The following SPATA45 variants were observed in gnomAD, a reference collection of about 807,000 sequenced individuals.
SPATA45 encodes spermatogenesis-associated protein 45.
SPATA45 carries 5 observed loss-of-function variants against 7.0 expected under a neutral mutation model. The observed-to-expected ratio is 0.71, with a 90% confidence interval of 0.37 to 1.50. SPATA45 has a LOEUF of 1.50. Ranked by LOEUF, SPATA45 falls within the 40% of genes most tolerant of loss-of-function variation. The pLI is 0.03. For synonymous variants in SPATA45, 40 were observed against 38.7 expected (o/e 1.03, Z -0.13); for missense variants, 111 against 114.9 (o/e 0.97, Z 0.16).
chr1:212,843,098 CAT>C (rs1491075509), intron 1 of SPATA45, among the ~76,000 whole-genome samples: 34 of 98,358 alleles, frequency 3.5e-4, no homozygotes, highest in East Asian at 1.2e-3. Flanking sequence ...CTCCGTCAAA[CAT>C]ACACACACAC....
At chr1:212,832,670 C>T (rs533614281) in intron 2 of SPATA45, among the ~76,000 whole-genome samples, 14 of 151,620 alleles carry the variant, frequency 9.2e-5, no homozygotes, top group Non-Finnish European at 1.9e-4. Context: ...AGTACAGTGC[C>T]TTCCAATTCG....
chr1:212,842,788 CATG>C (rs1663711143), intron 1 of SPATA45, among the ~76,000 whole-genome samples: 3 of 151,972 alleles, frequency 2.0e-5, no homozygotes, highest in Non-Finnish European at 4.4e-5. Context: ...GCCTGGCCAA[CATG>C]GTGAAACCCT....
At chr1:212,844,910 C>T (rs1167767694) in intron 1 of SPATA45, among the ~76,000 whole-genome samples, 1 of 152,142 alleles carries the variant, frequency 6.6e-6, no homozygotes, top group Non-Finnish European at 1.5e-5. Flanking sequence ...TCGCTCAGGG[C>T]AATGCTTATG....
intron 1 of SPATA45, among the ~76,000 whole-genome samples, chr1:212,844,362 T>A (rs1010714110): frequency 6.6e-6 from 1 of 152,214 alleles, no homozygotes; most frequent in Non-Finnish European, 1.5e-5. Context: ...CACTCTTTGC[T>A]GCGTCTCCCA....
intron 1 of SPATA45, among the ~76,000 whole-genome samples, chr1:212,836,476 G>A (rs368248282): frequency 2.1e-4 from 32 of 150,924 alleles, no homozygotes; most frequent in East Asian, 9.8e-4. Flanking sequence ...AATTACAGGC[G>A]CGCACTACCA....
chr1:212,843,055 C>T (rs542066715), intron 1 of SPATA45, among the ~76,000 whole-genome samples: 6 of 151,552 alleles, frequency 4.0e-5, no homozygotes, highest in African/African-American at 1.5e-4. Flanking sequence ...CGAGATTGCA[C>T]CACTGCACTC....
chr1:212,843,215 C>T (rs1426817503), intron 1 of SPATA45, among the ~76,000 whole-genome samples: 1 of 149,236 alleles, frequency 6.7e-6, no homozygotes, highest in African/African-American at 2.5e-5. Context: ...GCTTGAACTC[C>T]AGCGGCAGAG....
chr1:212,845,775 C>A (rs1336284180), intron 1 of SPATA45, among the ~76,000 whole-genome samples: 1 of 152,216 alleles, frequency 6.6e-6, no homozygotes, highest in African/African-American at 2.4e-5. Context: ...TCTCTCCTAG[C>A]TGTTTCTAAT....
rs201452717 is a variant in SPATA45, at chr1:212,837,087, TG to T, written c.-38-901del. Among the ~76,000 whole-genome samples the T allele has an allele frequency of 4.3e-3, 651 of 151,546 alleles. 9 individuals carry two copies. The highest frequency in any genetic ancestry group is 0.015 in the African/African-American group (627 of 41,478). ...TGTTTTTTAAAATTATACTATGCAT[TG>T]TTTTTTGCTTTTAGAAGCATTATTT... On this transcript the variant is annotated intron_variant, in intron 1 of 2. Transcript: ENST00000332912.
chr1:212,831,262 A>C (rs1236165413), intron 2 of SPATA45, among the ~76,000 whole-genome samples: 1 of 151,426 alleles, frequency 6.6e-6, no homozygotes, highest in Non-Finnish European at 1.5e-5. Context: ...TGAGGTCAAG[A>C]ATTTGAGACC....
chr1:212,839,164 A>G (rs890791355), intron 1 of SPATA45, among the ~76,000 whole-genome samples: 5 of 147,266 alleles, frequency 3.4e-5, no homozygotes, highest in African/African-American at 1.2e-4. Context: ...TTTACCTGAG[A>G]TGCTAATTCA....
intron 2 of SPATA45, among the ~76,000 whole-genome samples, chr1:212,832,358 GCT>G (rs1491391158): frequency 0.011 from 1,097 of 97,254 alleles, 32 homozygotes; most frequent in Non-Finnish European, 0.016. Context: ...TGAAATCTAA[GCT>G]TTTTTTTTTT....
At chr1:212,837,534 G>C (rs1462539189) in intron 1 of SPATA45, among the ~76,000 whole-genome samples, 1 of 151,740 alleles carries the variant, frequency 6.6e-6, no homozygotes, top group Non-Finnish European at 1.5e-5. Context: ...TCAGGAGCCT[G>C]AGGCATGAGA....
intron 1 of SPATA45, among the ~76,000 whole-genome samples, chr1:212,842,469 G>T (rs1663706299): frequency 6.6e-6 from 1 of 152,176 alleles, no homozygotes; most frequent in African/African-American, 2.4e-5. Flanking sequence ...TCACCATGAA[G>T]TTCTCAAAAT....
chr1:212,842,111 C>T (rs1472815528), intron 1 of SPATA45, among the ~76,000 whole-genome samples: 2 of 151,744 alleles, frequency 1.3e-5, no homozygotes, highest in Non-Finnish European at 2.9e-5. Context: ...GGTGCGGTGG[C>T]TCATGCCTGT....
rs1231502493 is a variant in SPATA45, at chr1:212,840,619, CTGTTT to C, written c.-38-4437_-38-4433del. Among the ~76,000 whole-genome samples the C allele has an allele frequency of 9.2e-5, 14 of 151,582 alleles. No individual in the cohort carries two copies. The East Asian group carries it at 2.4e-3, about 26-fold the overall frequency. On this transcript the variant is annotated intron_variant, in intron 1 of 2. Coordinates refer to ENST00000332912, the MANE Select transcript of SPATA45 (RefSeq NM_001024601.3). ...TACAGGCGTGGGCCACCGCCCTCGC[CTGTTT>C]TGTTTTGTTTTGAGACCGAATCTCG...
chr1:212,835,940 A>G lies in SPATA45; in HGVS notation c.210T>C (p.Ser70=), dbSNP rs756590932. Residue 70 remains serine, a synonymous_variant, in exon 2 of 3, where the codon AGT becomes AGC. Coordinates refer to ENST00000332912, the MANE Select transcript of SPATA45 (RefSeq NM_001024601.3). ...TCAGCTTGATCCAGGAGCTCCTGCC[A>G]CTGTTGGGAACAGGCTCTTTGGTTG... The part of the protein sequence containing the change: ...DTTTKEPVPN[S]GRSSWIKLSL... 2 of 1,610,322 alleles carry G rather than the reference A, an allele frequency of 1.2e-6. No individual in the cohort carries two copies. Among genetic ancestry groups the G allele is most frequent in the Non-Finnish European group, 1.7e-6 (2 of 1,177,160 alleles).
rs528696904 is a variant in SPATA45 at position 212,833,583 on chromosome 1, T to C, written c.277+2290A>G. 1.1e-4 allele frequency among the ~76,000 whole-genome samples: 17 copies of C among 150,584 alleles called. 1 individual carries two copies. In the South Asian group the frequency reaches 3.6e-3, roughly 32 times the overall value. On this transcript the variant is annotated intron_variant, in intron 2 of 2. Transcript: ENST00000332912. ...CTTGGGAGGCTGAAGCACTTGAACC[T>C]GGGGGCAGAGGTTGCAGTGAGCTGA...
intron 1 of SPATA45, among the ~76,000 whole-genome samples, chr1:212,841,963 G>A (rs1040604079): frequency 6.6e-6 from 1 of 151,832 alleles, no homozygotes; most frequent in Non-Finnish European, 1.5e-5. Context: ...TTTTCACCAT[G>A]TTGGCCAGGC....
Sources: gnomAD v4.1 joint callset for allele counts (sites outside exome capture counted in the v4.1 genomes callset) on GRCh38, gnomAD v4.1.1 for gene constraint, MANE v1.5 for transcripts, NCBI Gene and HGNC (gene_info 2026-07-23, HGNC 2026-07-21) for gene names.